The following GPR39 variants were observed in gnomAD, a reference collection of about 807,000 sequenced individuals.
The protein encoded by GPR39 is G protein-coupled receptor 39.
GPR39 carries 23 observed loss-of-function variants against 18.4 expected under a neutral mutation model. The ratio of observed to expected loss-of-function variants is 1.25; its 90% CI spans 0.90 to 1.77. The LOEUF is 1.77. Among genes scored for constraint, GPR39 ranks in the 40% most tolerant of loss-of-function variants. GPR39 has a pLI of 0.00. For missense variants in GPR39, 647 were observed against 602.4 expected (o/e 1.07, Z -0.78); for synonymous variants, 280 against 257.9 (o/e 1.09, Z -0.82).
At chr2:132,585,499 C>T (rs974112895) in intron 1 of GPR39, among the ~76,000 whole-genome samples, 3 of 152,216 alleles carry the variant, frequency 2.0e-5, no homozygotes, top group Non-Finnish European at 4.4e-5. Context: ...GTGAGTTGCC[C>T]TCGCACACAT....
chr2:132,491,306 T>C (rs1681455543), intron 1 of GPR39, among the ~76,000 whole-genome samples: 1 of 152,192 alleles, frequency 6.6e-6, no homozygotes, highest in Non-Finnish European at 1.5e-5. Context: ...ATATTAAATG[T>C]CTGCCTTGAG....
rs146542354 is a variant in GPR39 at position 132,478,302 on chromosome 2, C to T, written c.856+60404C>T. Reference sequence around the variant, plus strand: ...ATAAATAAAGTGTCCAGAATAGTGCCGGGCACAGGATAGGTTCTTGGTAAA... The same window carrying T: ...ATAAATAAAGTGTCCAGAATAGTGCTGGGCACAGGATAGGTTCTTGGTAAA... On this transcript the variant is annotated intron_variant, in intron 1 of 1. Coordinates refer to ENST00000329321, the MANE Select transcript of GPR39 (RefSeq NM_001508.3). Among the ~76,000 whole-genome samples, 7 of 152,264 alleles carry T rather than the reference C, an allele frequency of 4.6e-5. No individual in the cohort carries two copies. In the East Asian group the frequency reaches 5.8e-4, roughly 13 times the overall value.
chr2:132,492,811 A>AC (rs1681517595), intron 1 of GPR39, among the ~76,000 whole-genome samples: 2 of 142,212 alleles, frequency 1.4e-5, no homozygotes, highest in East Asian at 2.1e-4. Context: ...CCATATATAT[A>AC]CATACCATAT....
At chr2:132,644,584 C>T (rs570435423) in intron 1 of GPR39, among the ~76,000 whole-genome samples, 36 of 152,186 alleles carry the variant, frequency 2.4e-4, no homozygotes, top group Non-Finnish European at 4.7e-4. Context: ...GAATGCAAAA[C>T]CAGTGTCATT....
At chr2:132,486,858 C>T (rs549579125) in intron 1 of GPR39, among the ~76,000 whole-genome samples, 2 of 152,212 alleles carry the variant, frequency 1.3e-5, no homozygotes, top group Non-Finnish European at 2.9e-5. Flanking sequence ...AAGAACGTTT[C>T]CTTTGCATTC....
intron 1 of GPR39, among the ~76,000 whole-genome samples, chr2:132,599,060 T>C (rs1208908805): frequency 6.6e-6 from 1 of 151,944 alleles, no homozygotes; most frequent in African/African-American, 2.4e-5. Context: ...CCAAACTGTT[T>C]TCATGCCTGT....
Position 132,608,394 on chromosome 2 carries a change from G to C in GPR39, c.857-36707G>C, listed in dbSNP as rs149887677. ...ACATCTTGTGAATACACATCCCCCG[G>C]CTCCCTGTCATTTCCAGGCACAATT... On this transcript the variant is annotated intron_variant, in intron 1 of 1. Coordinates refer to ENST00000329321, the MANE Select transcript of GPR39 (RefSeq NM_001508.3). Among the ~76,000 whole-genome samples the C allele has an allele frequency of 1.9e-3, 282 of 152,244 alleles. 1 individual carries two copies. Among genetic ancestry groups the C allele is most frequent in the African/African-American group, 6.5e-3 (271 of 41,544 alleles).
intron 1 of GPR39, among the ~76,000 whole-genome samples, chr2:132,574,176 T>C (rs1257162458): frequency 1.3e-5 from 2 of 152,226 alleles, no homozygotes; most frequent in East Asian, 3.8e-4. Context: ...TGTCTTGTCA[T>C]TGTAAATTGT....
At chr2:132,451,179 G>A (rs1022680639) in intron 1 of GPR39, among the ~76,000 whole-genome samples, 20 of 151,758 alleles carry the variant, frequency 1.3e-4, no homozygotes, top group African/African-American at 2.2e-4. Context: ...GTGTGTGCAC[G>A]CGCGTGAAAT....
intron 1 of GPR39, among the ~76,000 whole-genome samples, chr2:132,583,778 G>A (rs890120106): frequency 8.6e-5 from 13 of 151,198 alleles, no homozygotes; most frequent in Admixed American, 6.0e-4. Context: ...CACAGGTCTA[G>A]CAGTTAATGT....
chr2:132,512,728 A>G (rs1679263146), intron 1 of GPR39, among the ~76,000 whole-genome samples: 1 of 152,246 alleles, frequency 6.6e-6, no homozygotes, highest in South Asian at 2.1e-4. Flanking sequence ...AATTACACAG[A>G]GCGCAGTCAT....
intron 1 of GPR39, among the ~76,000 whole-genome samples, chr2:132,475,454 A>G (rs758360411): frequency 5.9e-5 from 9 of 152,000 alleles, no homozygotes; most frequent in Non-Finnish European, 1.2e-4. Flanking sequence ...CAATAATATC[A>G]GTACGTGATC....
At chr2:132,587,727 G>A (rs1338541083) in intron 1 of GPR39, among the ~76,000 whole-genome samples, 1 of 151,958 alleles carries the variant, frequency 6.6e-6, no homozygotes, top group African/African-American at 2.4e-5. Context: ...TAGAGATGGG[G>A]TTTCGCCATG....
chr2:132,466,791 G>A (rs1203023847), intron 1 of GPR39, among the ~76,000 whole-genome samples: 2 of 152,138 alleles, frequency 1.3e-5, no homozygotes, highest in African/African-American at 4.8e-5. Context: ...TTGCAAATGT[G>A]TAGAGGACCA....
chr2:132,431,155 T>G (rs1386529909), intron 1 of GPR39, among the ~76,000 whole-genome samples: 1 of 152,192 alleles, frequency 6.6e-6, no homozygotes, highest in Non-Finnish European at 1.5e-5. Context: ...AGTATCAGGT[T>G]GTGGCTGCTC....
At chr2:132,585,018 A>G (rs899232964) in intron 1 of GPR39, among the ~76,000 whole-genome samples, 1 of 152,182 alleles carries the variant, frequency 6.6e-6, no homozygotes, top group Non-Finnish European at 1.5e-5. Context: ...GGTGGGCCAG[A>G]AGGCCATTCA....
At chr2:132,565,214 G>A (rs557044984) in intron 1 of GPR39, among the ~76,000 whole-genome samples, 13 of 152,128 alleles carry the variant, frequency 8.5e-5, no homozygotes, top group African/African-American at 3.1e-4. Flanking sequence ...TGCTTCCTAT[G>A]TGATTCCAGT....
rs187228372 is a variant in GPR39 at position 132,591,799 on chromosome 2, T to A, written c.857-53302T>A. Among the ~76,000 whole-genome samples, 383 of 152,176 alleles carry A rather than the reference T, an allele frequency of 2.5e-3. 3 individuals carry two copies. The highest frequency in any genetic ancestry group is 1.0e-3 in the Non-Finnish European group (70 of 68,010). ...GTTGGTAGTTTCCAGTTTGGGGAAA[T>A]TATGAAATAAAACTGATTTAAAAAA... On this transcript the variant is annotated intron_variant, in intron 1 of 1. Coordinates refer to ENST00000329321, the MANE Select transcript of GPR39 (RefSeq NM_001508.3).
At chr2:132,515,657 C>T (rs1405668897) in intron 1 of GPR39, among the ~76,000 whole-genome samples, 1 of 152,106 alleles carries the variant, frequency 6.6e-6, no homozygotes, top group Non-Finnish European at 1.5e-5. Flanking sequence ...CTAGAATTCC[C>T]CTCACCCTTT....
Sources: gnomAD v4.1 joint callset for allele counts (sites outside exome capture counted in the v4.1 genomes callset) on GRCh38, gnomAD v4.1.1 for gene constraint, MANE v1.5 for transcripts, NCBI Gene and HGNC (gene_info 2026-07-23, HGNC 2026-07-21) for gene names.